NR2C1: variants seen among roughly 807,000 people sequenced by gnomAD.
NR2C1 encodes the protein nuclear receptor subfamily 2 group C member 1, also known as TR2 nuclear hormone receptor.
A neutral mutation model predicts 74.8 loss-of-function variants in NR2C1; 33 were observed. The observed-to-expected ratio is 0.44, with a 90% CI of 0.33 to 0.59. The LOEUF is 0.59. Ranked by LOEUF, NR2C1 falls within the 20% of genes least tolerant of loss-of-function variation. The pLI, the probability that NR2C1 is intolerant of heterozygous loss-of-function variation, is 0.02. For synonymous variants in NR2C1, 225 were observed against 240.6 expected, an observed-to-expected ratio of 0.94 and a Z score of 0.60; for missense variants, 568 against 715.6, an observed-to-expected ratio of 0.79 and a Z score of 2.35.
At chr12:95,067,933 T>G (rs1166602412) in intron 1 of NR2C1, among the ~76,000 whole-genome samples, 1 of 139,916 alleles carries the variant, frequency 7.1e-6, no homozygotes, top group South Asian at 2.3e-4. Flanking sequence ...CAGGTTGGAG[T>G]GCAGTGGCAT....
chr12:95,051,464 T>G (rs1484355297), intron 8 of NR2C1, among the ~76,000 whole-genome samples: 1 of 152,236 alleles, frequency 6.6e-6, no homozygotes, highest in Non-Finnish European at 1.5e-5. Flanking sequence ...AAGACCTATG[T>G]GTATTACTCA....
Position 95,046,758 on chromosome 12 carries a change from G to A in NR2C1, c.1131+2310C>T. On this transcript the variant is annotated intron_variant, in intron 9 of 13. Transcript: ENST00000333003. Reference sequence around the variant, plus strand: ...AGGACTGAGTTGTTTGATTACAGATGTAAGGTCTTGAAACCCATGATCAGA... The same window carrying A: ...AGGACTGAGTTGTTTGATTACAGATATAAGGTCTTGAAACCCATGATCAGA... Among the ~76,000 whole-genome samples, 2 of 152,136 alleles carry A rather than the reference G, an allele frequency of 1.3e-5. 1 individual carries two copies. Among genetic ancestry groups the A allele is most frequent in the Non-Finnish European group, 2.9e-5 (2 of 68,026 alleles).
intron 13 of NR2C1, among the ~76,000 whole-genome samples, chr12:95,024,606 T>A (rs983297800): frequency 6.0e-5 from 9 of 149,504 alleles, no homozygotes; most frequent in African/African-American, 1.5e-4. Flanking sequence ...TTTTATTTTT[T>A]AATATTTTTT....
chr12:95,061,898 T>C (rs1339451212), intron 3 of NR2C1, among the ~76,000 whole-genome samples: 2 of 152,212 alleles, frequency 1.3e-5, no homozygotes, highest in African/African-American at 4.8e-5. Flanking sequence ...AAAACTAAAA[T>C]GATGTAATGT....
At chr12:95,037,623 C>T (rs1592738700) in intron 10 of NR2C1, among the ~76,000 whole-genome samples, 3 of 152,106 alleles carry the variant, frequency 2.0e-5, no homozygotes, top group East Asian at 1.9e-4. Flanking sequence ...TGGCCGGGCA[C>T]GGTGGCTCAC....
intron 10 of NR2C1, among the ~76,000 whole-genome samples, chr12:95,037,398 A>C (rs17023576): frequency 0.02 from 3,027 of 152,348 alleles, 91 homozygotes; most frequent in African/African-American, 0.069. Flanking sequence ...CTGTATACTG[A>C]CAATCAACAC....
chr12:95,070,919 G>A (rs1876503656), intron 1 of NR2C1, among the ~76,000 whole-genome samples: 1 of 152,200 alleles, frequency 6.6e-6, no homozygotes, highest in African/African-American at 2.4e-5. Context: ...TTTGGTTCAA[G>A]CCAGGGGCGA....
chr12:95,037,915 A>G (rs960206270), intron 10 of NR2C1, among the ~76,000 whole-genome samples: 2 of 150,016 alleles, frequency 1.3e-5, no homozygotes, highest in Non-Finnish European at 3.0e-5. Flanking sequence ...AAAAAAAAAA[A>G]GGAACCTAAT....
chr12:95,060,531 T>TGTTA (rs1410894098), intron 3 of NR2C1, among the ~76,000 whole-genome samples: 1 of 152,222 alleles, frequency 6.6e-6, no homozygotes, highest in African/African-American at 2.4e-5. Flanking sequence ...GGAGAGTGCC[T>TGTTA]GTAATCCCAG....
At chr12:95,058,584 T>G in intron 4 of NR2C1, 95 bp from the exon 5 acceptor site, 1 of 951,952 alleles carries the variant, frequency 1.1e-6, no homozygotes, top group Non-Finnish European at 1.6e-6. Flanking sequence ...ACATATAAGA[T>G]GAAACTGATT....
rs1281594809 is a variant in NR2C1, at chr12:95,063,684, AAAGAAGTAT to A, written c.55-955_55-947del. 7.2e-5 allele frequency among the ~76,000 whole-genome samples: 11 copies of A among 151,770 alleles called. No homozygotes were observed. In the East Asian group the frequency reaches 1.7e-3, roughly 24 times the overall value. ...AGTGAGACCCTGTCTCAAAAAAAAA[AAAGAAGTAT>A]AAAAAAAGCATTCTAAATTTAGTGT... is the stretch of plus-strand genomic sequence containing the variant. On this transcript the variant is annotated intron_variant, in intron 2 of 13. Coordinates refer to ENST00000333003, the MANE Select transcript of NR2C1 (RefSeq NM_003297.4).
intron 8 of NR2C1, chr12:95,049,454 G>A (rs368061524): frequency 2.8e-4 from 110 of 398,060 alleles, no homozygotes; most frequent in East Asian, 2.6e-3. Context: ...TAATTAAGGG[G>A]GAGAAGCATC....
chr12:95,030,554 A>C (rs1565835040), intron 11 of NR2C1: 2 of 1,612,548 alleles, frequency 1.2e-6, no homozygotes, highest in Admixed American at 1.7e-5. Context: ...GTAGGAGTCC[A>C]TAAGTAAGAT....
At chr12:95,039,726 G>C (rs1228321609) in intron 10 of NR2C1, among the ~76,000 whole-genome samples, 4 of 152,160 alleles carry the variant, frequency 2.6e-5, no homozygotes, top group Admixed American at 2.6e-4. Flanking sequence ...CGAACTTCTG[G>C]GCTAAAGTGA....
At chr12:95,040,700 T>A in intron 9 of NR2C1, 103 bp from the exon 10 acceptor site, 1 of 1,054,326 alleles carries the variant, frequency 9.5e-7, no homozygotes, top group African/African-American at 1.6e-5. Flanking sequence ...TGAGAGCTAA[T>A]ATATTCACAA....
chr12:95,024,661 G>A (rs905166894), intron 13 of NR2C1, among the ~76,000 whole-genome samples: 1 of 152,126 alleles, frequency 6.6e-6, no homozygotes, highest in African/African-American at 2.4e-5. Flanking sequence ...GTAGGAGTAT[G>A]ATCACAGCTC....
chr12:95,062,424 A>G (rs544713230), intron 3 of NR2C1, 84 bp downstream of exon 3: 1 of 868,718 alleles, frequency 1.2e-6, no homozygotes, highest in African/African-American at 1.7e-5. Flanking sequence ...ATATACATAG[A>G]TCTAAAGTCT....
At chr12:95,071,653 CCCA>C (rs1261721169) in intron 1 of NR2C1, among the ~76,000 whole-genome samples, 1 of 151,976 alleles carries the variant, frequency 6.6e-6, no homozygotes, top group African/African-American at 2.4e-5. Context: ...AATGAGGCCC[CCCA>C]CCATTTCTAT....
At chr12:95,034,982 A>G (rs1487607364) in intron 10 of NR2C1, among the ~76,000 whole-genome samples, 3 of 152,234 alleles carry the variant, frequency 2.0e-5, no homozygotes, top group Admixed American at 6.5e-5. Context: ...TACATACACA[A>G]TGCCACAAAA....
Sources: allele counts gnomAD v4.1 joint callset (sites outside exome capture counted in the v4.1 genomes callset), GRCh38; gene constraint gnomAD v4.1.1; transcripts MANE v1.5; gene names NCBI Gene and HGNC (gene_info 2026-07-23, HGNC 2026-07-21).